Variants in SLC45A4 observed in about 807,000 individuals in gnomAD.
SLC45A4 encodes solute carrier family 45 member 4.
A neutral mutation model predicts 63.7 loss-of-function variants in SLC45A4; 32 were observed. The ratio of observed to expected loss-of-function variants is 0.50; its 90% CI spans 0.38 to 0.67. The LOEUF (loss-of-function observed/expected upper bound fraction) is 0.67. Ranked by LOEUF, SLC45A4 falls within the 30% of genes least tolerant of loss-of-function variation. The pLI is 0.00. For missense variants in SLC45A4, 1,027 were observed against 1,157.7 expected, an observed-to-expected ratio of 0.89 and a Z score of 1.64; for synonymous variants, 535 against 510.0, an observed-to-expected ratio of 1.05 and a Z score of -0.66.
At chr8:141,296,407 G>T (rs551889466) in intron 1 of SLC45A4, among the ~76,000 whole-genome samples, 2 of 151,328 alleles carry the variant, frequency 1.3e-5, no homozygotes, top group South Asian at 4.2e-4. Flanking sequence ...GGCTGAGGCA[G>T]GAAGATGGCT....
intron 1 of SLC45A4, among the ~76,000 whole-genome samples, chr8:141,290,318 G>T (rs751634853): frequency 1.3e-5 from 2 of 151,734 alleles, no homozygotes; most frequent in African/African-American, 4.9e-5. Context: ...CCCAAGTGCC[G>T]CAGCTCCAAG....
chr8:141,286,448 C>T lies in SLC45A4; in HGVS notation c.-401+21648G>A, dbSNP rs566563526. On this transcript the variant is annotated intron_variant, in intron 1 of 8. Coordinates refer to ENST00000517878, the MANE Select transcript of SLC45A4 (RefSeq NM_001286646.2). ...GCCAATGTATCTTCCTGGTCCCTTTCGGGGCACCCTTTACCCACACGCCCT... is the reference window on the plus strand; with the variant it reads ...GCCAATGTATCTTCCTGGTCCCTTTTGGGGCACCCTTTACCCACACGCCCT... 6.6e-5 allele frequency among the ~76,000 whole-genome samples: 10 copies of T among 152,304 alleles called. No homozygotes were observed. In the South Asian group the frequency reaches 1.0e-3, roughly 16 times the overall value.
chr8:141,294,083 C>T lies in SLC45A4; in HGVS notation c.-401+14013G>A, dbSNP rs192452353. Among the ~76,000 whole-genome samples, 241 of 152,262 alleles carry T rather than the reference C, an allele frequency of 1.6e-3. 1 individual carries two copies. The highest frequency in any genetic ancestry group is 5.5e-3 in the African/African-American group (228 of 41,550). On this transcript the variant is annotated intron_variant, in intron 1 of 8. Transcript: ENST00000517878. ...GGAGCAAAAAGAAGACCCTTGGGCA[C>T]ACCACGCTGCAGACCAGGAGGACCT...
At position 141,208,820 on chromosome 8, in the gene SLC45A4, A is replaced by G. The variant is rs1254988191; in HGVS notation, c.*2752T>C. The G allele has an allele frequency of 6.6e-6, 1 of 152,254 alleles. No individual in the cohort carries two copies. Among genetic ancestry groups the G allele is most frequent in the Non-Finnish European group, 1.5e-5 (1 of 68,062 alleles). 9.4% of individuals were successfully genotyped at this position (152,254 alleles called of 1,614,324 possible). ...ATTCCTGCACCTGGAAACTTCTGCCATGTGTTAAGGGGAAGCTCGTTAAAA... is the reference window on the plus strand; with the variant it reads ...ATTCCTGCACCTGGAAACTTCTGCCGTGTGTTAAGGGGAAGCTCGTTAAAA... On this transcript the variant is annotated 3_prime_UTR_variant, in exon 9 of 9. Coordinates refer to ENST00000517878, the MANE Select transcript of SLC45A4 (RefSeq NM_001286646.2).
rs772849417 is a variant in SLC45A4, at chr8:141,215,957, C to A, written c.1743G>T (p.Lys581Asn). The A allele has an allele frequency of 2.5e-6, 4 of 1,613,714 alleles. No homozygotes were observed. In the South Asian group the frequency reaches 4.4e-5, roughly 18 times the overall value. The change falls in exon 7 of 9, where the codon AAG (lysine) becomes AAT (asparagine). Residue 581 changes from lysine (K) to asparagine (N), a missense_variant. Physicochemically the swap from Lys to Asn is moderately conservative, Grantham distance 94. Coordinates refer to ENST00000517878, the MANE Select transcript of SLC45A4 (RefSeq NM_001286646.2). This position sits in a 1 kb window ranked among gnomAD's most constrained non-coding sequence, Gnocchi z 4.3. ...CGCTCAGGTCGTAGTTGTCCAAGTA[C>A]TTCTGTAACAGGGCTGCAGAGAGGG... is the stretch of plus-strand genomic sequence containing the variant. Reference protein sequence around the residue: ...TGAICSALLQKYLDNYDLSVR... With the variant: ...TGAICSALLQNYLDNYDLSVR...
intron 1 of SLC45A4, among the ~76,000 whole-genome samples, chr8:141,272,511 T>A (rs1829579664): frequency 1.3e-5 from 2 of 152,206 alleles, no homozygotes; most frequent in South Asian, 4.1e-4. Context: ...CTGTCAGTAC[T>A]GTGAACAGGG....
At chr8:141,219,265 G>C (rs1826426086) in intron 4 of SLC45A4, among the ~76,000 whole-genome samples, 2 of 152,242 alleles carry the variant, frequency 1.3e-5, no homozygotes, top group Non-Finnish European at 1.5e-5. Flanking sequence ...ACTACCCCAG[G>C]ACGGATGCAA....
Position 141,254,344 on chromosome 8 carries a change from G to T in SLC45A4, c.-115C>A. The T allele has an allele frequency of 1.6e-6, 2 of 1,232,436 alleles. No individual in the cohort carries two copies. Among genetic ancestry groups the T allele is most frequent in the South Asian group, 1.6e-5 (1 of 62,624 alleles). The allele number at this position is 1,232,436 out of a possible 1,614,324, so 76.3% of individuals were successfully genotyped here. On this transcript the variant is annotated 5_prime_UTR_variant, in exon 2 of 9. Coordinates refer to ENST00000517878, the MANE Select transcript of SLC45A4 (RefSeq NM_001286646.2). The surrounding 1 kb of genome is among the most constrained non-coding windows in gnomAD (Gnocchi z 4.5). ...TCTTTCTGCTTCTGCTGTGTTCCTC[G>T]GGCAGGTAACACTTACATTCCTCTT...
At chr8:141,298,696 G>C (rs1051558484) in intron 1 of SLC45A4, among the ~76,000 whole-genome samples, 1 of 152,214 alleles carries the variant, frequency 6.6e-6, no homozygotes, top group East Asian at 1.9e-4. Context: ...TGGCAGCCAG[G>C]AGTCCTTCCT....
intron 1 of SLC45A4, among the ~76,000 whole-genome samples, chr8:141,269,054 C>A (rs192359728): frequency 6.6e-6 from 1 of 152,284 alleles, no homozygotes; most frequent in African/African-American, 2.4e-5. Context: ...CACCCCAGAC[C>A]CACTGGATCA....
rs1045631253 is a variant in SLC45A4 at position 141,293,793 on chromosome 8, C to T, written c.-401+14303G>A. ...ACTAAAAGTACAAAAATCAGCTGGG[C>T]GTGGTGGTGCACACCTGTACTCCCA... On this transcript the variant is annotated intron_variant, in intron 1 of 8. Transcript: ENST00000517878. 3.4e-4 allele frequency among the ~76,000 whole-genome samples: 52 copies of T among 151,456 alleles called. 1 individual carries two copies. The highest frequency in any genetic ancestry group is 6.9e-3 in the Middle Eastern group (2 of 290).
chr8:141,284,221 T>C (rs940861566), intron 1 of SLC45A4, among the ~76,000 whole-genome samples: 1 of 152,112 alleles, frequency 6.6e-6, no homozygotes, highest in Non-Finnish European at 1.5e-5. Context: ...GACTCTGAGG[T>C]CTGGGATGTA....
chr8:141,244,002 G>A (rs951137398), intron 2 of SLC45A4, among the ~76,000 whole-genome samples: 2 of 152,168 alleles, frequency 1.3e-5, no homozygotes, highest in Non-Finnish European at 2.9e-5. Context: ...GGAGTCAAAA[G>A]CTACACATGG....
chr8:141,241,761 C>G (rs56056020), intron 2 of SLC45A4, among the ~76,000 whole-genome samples: 3,058 of 152,152 alleles, frequency 0.02, 105 homozygotes, highest in African/African-American at 0.068. Flanking sequence ...TCCTCCCAGG[C>G]CTGGGAGCCC....
intron 2 of SLC45A4, among the ~76,000 whole-genome samples, chr8:141,235,244 C>G (rs867895478): frequency 5.9e-5 from 9 of 152,226 alleles, no homozygotes; most frequent in African/African-American, 2.2e-4. Context: ...ATGCCACCCC[C>G]CTTCTTCATG....
intron 2 of SLC45A4, chr8:141,230,275 C>T (rs895833163): frequency 5.4e-6 from 2 of 367,066 alleles, no homozygotes; most frequent in Admixed American, 7.2e-5. Context: ...GTTAAAGGTG[C>T]TGTCAGAGCA....
At position 141,218,609 on chromosome 8, in the gene SLC45A4, G is replaced by A. The variant is rs779238287; in HGVS notation, c.1031C>T (p.Pro344Leu). 14 of 1,613,294 alleles carry A rather than the reference G, an allele frequency of 8.7e-6. No homozygotes were observed. The highest frequency in any genetic ancestry group is 5.3e-5 in the African/African-American group (4 of 74,932). Reference protein sequence around the residue: ...IFHDASYPATPRSTSQELAKT... With the variant: ...IFHDASYPATLRSTSQELAKT... ...GGCGAGCTCCTGGCTGGTGCTGCGG[G>A]GGGTGGCGGGGTAGGAGGCGTCGTG... Residue 344 changes from proline to leucine, a missense_variant, in exon 5 of 9, where the codon CCC becomes CTC. Coordinates refer to ENST00000517878, the MANE Select transcript of SLC45A4 (RefSeq NM_001286646.2).
At position 141,278,487 on chromosome 8, in the gene SLC45A4, G is replaced by A. The variant is rs1170800032; in HGVS notation, c.-400-23858C>T. The A allele has an allele frequency of 6.6e-6, 1 of 150,616 alleles. No homozygotes were observed. Among genetic ancestry groups the A allele is most frequent in the African/African-American group, 2.5e-5 (1 of 39,602 alleles). The allele number at this position is 150,616 out of a possible 1,614,324, so 9.3% of individuals were successfully genotyped here. ...CCACGAGGACACTGGCGGGACAGGGGTGAGCACCTGTGGTGGAGGCGGGGC... is the reference window on the plus strand; with the variant it reads ...CCACGAGGACACTGGCGGGACAGGGATGAGCACCTGTGGTGGAGGCGGGGC... On this transcript the variant is annotated intron_variant, in intron 1 of 8. Transcript: ENST00000517878. This position sits in a 1 kb window ranked among gnomAD's most constrained non-coding sequence, Gnocchi z 4.1.
chr8:141,234,798 C>T (rs1402510009), intron 2 of SLC45A4, among the ~76,000 whole-genome samples: 1 of 152,208 alleles, frequency 6.6e-6, no homozygotes, highest in South Asian at 2.1e-4. Context: ...CACAGCTCAC[C>T]TCCACGTTCC....
Sources: gnomAD v4.1 joint callset for allele counts (sites outside exome capture counted in the v4.1 genomes callset) on GRCh38, gnomAD v4.1.1 for gene constraint, Gnocchi (gnomAD v3.1) non-coding constraint, MANE v1.5 for transcripts, NCBI Gene and HGNC (gene_info 2026-07-23, HGNC 2026-07-21) for gene names.